The following PPP1R9B variants were observed in gnomAD, a reference collection of about 807,000 sequenced individuals.
PPP1R9B encodes the protein protein phosphatase 1 regulatory subunit 9B.
In PPP1R9B, 17 loss-of-function variants were observed where a neutral mutation model predicts 75.8. The ratio of observed to expected loss-of-function variants is 0.22; its 90% confidence interval spans 0.15 to 0.34. The LOEUF (loss-of-function observed/expected upper bound fraction) is 0.34. Ranked by LOEUF, PPP1R9B falls within the 10% of genes least tolerant of loss-of-function variation. PPP1R9B has a pLI of 1.00. For synonymous variants in PPP1R9B, 509 were observed against 535.4 expected, an observed-to-expected ratio of 0.95 and a Z score of 0.68; for missense variants, 875 against 1,196.0, an observed-to-expected ratio of 0.73 and a Z score of 3.96.
intron 1 of PPP1R9B, among the ~76,000 whole-genome samples, chr17:50,146,399 A>C (rs1912519275): frequency 6.6e-6 from 1 of 152,080 alleles, no homozygotes; most frequent in Non-Finnish European, 1.5e-5. Context: ...GCTGAGTCTG[A>C]GCCCCGAGGA....
At position 50,134,269 on chromosome 17, in the gene PPP1R9B, C is replaced by T. The variant is rs543455385; in HGVS notation, c.*1062G>A. 222 of 152,662 alleles carry T rather than the reference C, an allele frequency of 1.5e-3. 2 individuals are homozygous for T. In the South Asian group the frequency reaches 0.017, roughly 12 times the overall value. 9.5% of individuals were successfully genotyped at this position (152,662 alleles called of 1,614,324 possible). ...AGGCTGCCAGCAGGGCAGCCCTGGT[C>T]TCCAAAAAGATGAGTAGTAGTAAAA... is the stretch of plus-strand genomic sequence containing the variant. On this transcript the variant is annotated 3_prime_UTR_variant, in exon 10 of 10. Coordinates refer to ENST00000612501, the MANE Select transcript of PPP1R9B (RefSeq NM_032595.5).
At chr17:50,140,896 G>T (rs1021992032) in intron 4 of PPP1R9B, among the ~76,000 whole-genome samples, 1 of 152,124 alleles carries the variant, frequency 6.6e-6, no homozygotes. Context: ...GCTGGTCGGG[G>T]TGGGGGGCAT....
intron 3 of PPP1R9B, 149 bp downstream of exon 3, chr17:50,143,449 G>A: frequency 2.1e-6 from 2 of 968,660 alleles, no homozygotes; most frequent in South Asian, 3.2e-5. Context: ...ACCTGGCATG[G>A]CAGTGCTCCC....
chr17:50,148,599 TG>T (rs1912582507), intron 1 of PPP1R9B, among the ~76,000 whole-genome samples: 1 of 151,974 alleles, frequency 6.6e-6, no homozygotes, highest in Admixed American at 6.5e-5. Flanking sequence ...AAAGTTGGGG[TG>T]GGGGTACAAA....
intron 9 of PPP1R9B, 28 bp from the exon 10 acceptor site, chr17:50,135,412 A>C (rs1469092738): frequency 6.2e-7 from 1 of 1,610,516 alleles, no homozygotes; most frequent in African/African-American, 1.3e-5. Flanking sequence ...GTAGGGGGTC[A>C]GGTCTGGACA....
intron 7 of PPP1R9B, 123 bp from the exon 8 acceptor site, chr17:50,136,320 C>A: frequency 1.4e-6 from 1 of 733,928 alleles, no homozygotes; most frequent in Non-Finnish European, 2.2e-6. Context: ...CATTGCACCC[C>A]AACTACTAAC....
chr17:50,141,812 T>A (rs1334197926), intron 3 of PPP1R9B, among the ~76,000 whole-genome samples: 2 of 152,184 alleles, frequency 1.3e-5, no homozygotes, highest in Non-Finnish European at 2.9e-5. Context: ...CCCACCTGTG[T>A]GGGCAGTGAG....
Position 50,146,511 on chromosome 17 carries a change from C to T in PPP1R9B, c.1372-1266G>A, listed in dbSNP as rs956917112. On this transcript the variant is annotated intron_variant, in intron 1 of 9. Coordinates refer to ENST00000612501, the MANE Select transcript of PPP1R9B (RefSeq NM_032595.5). Reference sequence around the variant, plus strand: ...CTGGTGGGCAGCAGCACTCTCGTGTCCCAGCCTTTGTCTGGGTTTGCTCCG... The same window carrying T: ...CTGGTGGGCAGCAGCACTCTCGTGTTCCAGCCTTTGTCTGGGTTTGCTCCG... Among the ~76,000 whole-genome samples, 28 of 152,146 alleles carry T rather than the reference C, an allele frequency of 1.8e-4. 1 individual carries two copies. Among genetic ancestry groups the T allele is most frequent in the Non-Finnish European group, 3.8e-4 (26 of 68,016 alleles).
At position 50,149,657 on chromosome 17, in the gene PPP1R9B, G is replaced by A. The variant is rs780934140; in HGVS notation, c.857C>T (p.Ala286Val). 12 of 1,509,380 alleles carry A rather than the reference G, an allele frequency of 8.0e-6. No homozygotes were observed. Among genetic ancestry groups the A allele is most frequent in the Non-Finnish European group, 1.1e-5 (12 of 1,131,746 alleles). 93.5% of individuals were successfully genotyped at this position (1,509,380 alleles called of 1,614,324 possible). A position where few individuals can be genotyped will look rare whatever the true frequency, so the allele number is the denominator to read the frequency against. ...QQPPQHRVAP[A>V]RPPPKPREVR... The stretch of plus-strand genomic sequence containing the variant: ...CTCCCGGGGCTTGGGGGGCGGCCGG[G>A]CAGGGGCCACTCGGTGCTGCGGGGG... The change falls in exon 1 of 10, where the codon GCC becomes GTC. Residue 286 changes from alanine to valine, a missense_variant. Transcript: ENST00000612501. This position sits in a 1 kb window ranked among gnomAD's most constrained non-coding sequence, Gnocchi z 7.2.
Position 50,150,141 on chromosome 17 carries a change from C to A in PPP1R9B, c.373G>T (p.Asp125Tyr). The A allele has an allele frequency of 1.4e-6, 2 of 1,435,028 alleles. No homozygotes were observed. Among genetic ancestry groups the A allele is most frequent in the South Asian group, 2.8e-5 (2 of 72,116 alleles). 88.9% of individuals were successfully genotyped at this position (1,435,028 alleles called of 1,614,324 possible). A position where few individuals can be genotyped will look rare whatever the true frequency, so the allele number is the denominator to read the frequency against. Residue 125 changes from aspartate (D) to tyrosine (Y), a missense_variant, in exon 1 of 10, where the codon GAC becomes TAC. Around this residue, in one of 4 missense-constraint regions of PPP1R9B, gnomAD observed 145 missense variants for 226.1 expected, o/e 0.64. Transcript: ENST00000612501. This position sits in a 1 kb window ranked among gnomAD's most constrained non-coding sequence, Gnocchi z 8.7. The part of the protein sequence containing the change: ...TSVSERVSRF[D>Y]SKPAPSAQPA... Reference sequence around the variant, plus strand: ...TGCGCGGAGGGCGCGGGCTTGGAGTCGAAGCGGCTCACGCGCTCCGACACG... The same window carrying A: ...TGCGCGGAGGGCGCGGGCTTGGAGTAGAAGCGGCTCACGCGCTCCGACACG...
rs1391592227 is a variant in PPP1R9B, at chr17:50,135,601, C to A, written c.2352G>T (p.Glu784Asp). The change falls in exon 9 of 10, where the codon GAG (glutamate) becomes GAT (aspartate). Residue 784 changes from glutamate to aspartate, a missense_variant. Coordinates refer to ENST00000612501, the MANE Select transcript of PPP1R9B (RefSeq NM_032595.5). The part of the protein sequence containing the change: ...KKETAQRRVL[E>D]ESELARKEEM... ...CCTCCTTTCTGGCCAGCTCCGACTC[C>A]TCCAGAACCCGACGCTGTGCAGTCT... 1 of 1,611,592 alleles carries A rather than the reference C, an allele frequency of 6.2e-7. No homozygotes were observed. The highest frequency in any genetic ancestry group is 8.5e-7 in the Non-Finnish European group (1 of 1,178,864).
intron 2 of PPP1R9B, among the ~76,000 whole-genome samples, 192 bp downstream of exon 2, chr17:50,144,921 G>A (rs1883888677): frequency 6.6e-6 from 1 of 152,172 alleles, no homozygotes; most frequent in Non-Finnish European, 1.5e-5. Flanking sequence ...GGCTTGGCCT[G>A]GGTTGGAGGC....
chr17:50,145,741 G>A (rs1912500386), intron 1 of PPP1R9B, among the ~76,000 whole-genome samples: 1 of 151,966 alleles, frequency 6.6e-6, no homozygotes, highest in Admixed American at 6.6e-5. Flanking sequence ...AGAGAGGGGG[G>A]AGCGGGTGTG....
At chr17:50,135,486 C>T in intron 9 of PPP1R9B, 67 bp downstream of exon 9, 1 of 1,585,282 alleles carries the variant, frequency 6.3e-7, no homozygotes, top group South Asian at 1.1e-5. Context: ...CCTCCAGGAC[C>T]CACAGGGTAG....
intron 3 of PPP1R9B, 61 bp downstream of exon 3, chr17:50,143,537 C>G (rs535189863): frequency 3.6e-4 from 576 of 1,602,986 alleles, no homozygotes; most frequent in Non-Finnish European, 4.8e-4. Context: ...TGGCCCACCC[C>G]ACCAAGGATG....
At chr17:50,135,925 C>T in intron 8 of PPP1R9B, 43 bp downstream of exon 8, 1 of 1,433,994 alleles carries the variant, frequency 7.0e-7, no homozygotes, top group Non-Finnish European at 9.5e-7. Flanking sequence ...AAAAGCCTCT[C>T]AATGCTCCCT....
chr17:50,139,206 C>G lies in PPP1R9B; in HGVS notation c.2073+57G>C. ...TGTGCAGGTGTGAGGGTAGGGGGACCCTGCTCCTCAACACACACATGCACG... is the reference window on the plus strand; with the variant it reads ...TGTGCAGGTGTGAGGGTAGGGGGACGCTGCTCCTCAACACACACATGCACG... On this transcript the variant is annotated intron_variant, in intron 7 of 9. Transcript: ENST00000612501. The surrounding 1 kb of genome is among the most constrained non-coding windows in gnomAD (Gnocchi z 5.0). 1 of 1,603,000 alleles carries G rather than the reference C, an allele frequency of 6.2e-7. No homozygotes were observed. Among genetic ancestry groups the G allele is most frequent in the Non-Finnish European group, 8.5e-7 (1 of 1,169,928 alleles).
Position 50,150,030 on chromosome 17 carries a change from C to A in PPP1R9B, c.484G>T (p.Asp162Tyr), listed in dbSNP as rs777453689. The change falls in exon 1 of 10, where the codon GAC becomes TAC. Residue 162 changes from aspartate (D) to tyrosine (Y), a missense_variant. Asp to Tyr is a radical substitution (Grantham distance 160). Around this residue, in one of 4 missense-constraint regions of PPP1R9B, gnomAD observed 449 missense variants for 475.0 expected, o/e 0.95. Transcript: ENST00000612501. This position sits in a 1 kb window ranked among gnomAD's most constrained non-coding sequence, Gnocchi z 8.7. The stretch of plus-strand genomic sequence containing the variant: ...AGCCGCCGCGCCGCGGCCTCCTTGT[C>A]GCCGCCTGCGGCCGCTGGGGCGCTC... ...ERSAPAAAGGDKEAAARRLLR... is the reference protein window; with the variant it reads ...ERSAPAAAGGYKEAAARRLLR... The A allele has an allele frequency of 6.8e-7, 1 of 1,472,870 alleles. No individual in the cohort carries two copies. The highest frequency in any genetic ancestry group is 1.5e-5 in the African/African-American group (1 of 68,010). 91.2% of individuals were successfully genotyped at this position (1,472,870 alleles called of 1,614,324 possible).
chr17:50,148,650 C>G (rs1912583708), intron 1 of PPP1R9B, among the ~76,000 whole-genome samples: 1 of 152,246 alleles, frequency 6.6e-6, no homozygotes, highest in Non-Finnish European at 1.5e-5. Flanking sequence ...CCTGCAGCTT[C>G]GTTTTGAGAA....
Sources: gnomAD v4.1 joint callset for allele counts (sites outside exome capture counted in the v4.1 genomes callset) on GRCh38, gnomAD v4.1.1 for gene constraint, gnomAD v4.1.1 regional missense constraint, Gnocchi (gnomAD v3.1) non-coding constraint, MANE v1.5 for transcripts, NCBI Gene and HGNC (gene_info 2026-07-23, HGNC 2026-07-21) for gene names.